The following LSAMP variants were observed in gnomAD, a reference collection of about 807,000 sequenced individuals.
LSAMP encodes limbic system associated membrane protein, also known as limbic system-associated membrane protein.
Under a neutral mutation model 38.6 loss-of-function variants are expected in LSAMP, and 7 were observed. That is an observed-to-expected ratio of 0.18 (90% CI 0.10 to 0.34). The LOEUF (loss-of-function observed/expected upper bound fraction) is 0.34, where lower values mean the gene tolerates loss of function less well. LSAMP is among the 10% of genes least tolerant of loss of function. The pLI is 1.00. For missense variants in LSAMP, 313 were observed against 420.0 expected, an observed-to-expected ratio of 0.75 and a Z score of 2.23; for synonymous variants, 154 against 166.8, an observed-to-expected ratio of 0.92 and a Z score of 0.59.
intron 6 of LSAMP, among the ~76,000 whole-genome samples, chr3:115,838,352 A>G (rs948384126): frequency 6.6e-6 from 1 of 152,244 alleles, no homozygotes; most frequent in Non-Finnish European, 1.5e-5. Context: ...AAACCTATCT[A>G]TCACCTTTGT....
intron 3 of LSAMP, among the ~76,000 whole-genome samples, chr3:116,014,020 T>G (rs1047297725): frequency 6.6e-6 from 1 of 152,192 alleles, no homozygotes; most frequent in African/African-American, 2.4e-5. Context: ...TCTCATTGAA[T>G]GCCATAATTT....
intron 2 of LSAMP, among the ~76,000 whole-genome samples, chr3:116,078,334 AT>A (rs1310915611): frequency 4.8e-5 from 7 of 147,326 alleles, no homozygotes; most frequent in African/African-American, 1.5e-4. Flanking sequence ...TTATTTATTT[AT>A]TTTTTTTGAG....
intron 1 of LSAMP, among the ~76,000 whole-genome samples, chr3:116,293,357 C>A (rs192988398): frequency 6.6e-6 from 1 of 152,044 alleles, no homozygotes; most frequent in Non-Finnish European, 1.5e-5. Flanking sequence ...TTATGAAGGG[C>A]TATACAAAGG....
chr3:116,187,271 A>AT (rs1187024174), intron 1 of LSAMP, among the ~76,000 whole-genome samples: 1 of 152,160 alleles, frequency 6.6e-6, no homozygotes, highest in Non-Finnish European at 1.5e-5. Context: ...GATACCATAA[A>AT]TTTAAGCTCT....
chr3:116,285,800 C>A (rs2047187881), intron 1 of LSAMP, among the ~76,000 whole-genome samples: 1 of 151,998 alleles, frequency 6.6e-6, no homozygotes, highest in South Asian at 2.1e-4. Flanking sequence ...CACTCCTCAC[C>A]CCACTACACA....
At chr3:116,425,862 A>G (rs1255856701) in intron 1 of LSAMP, among the ~76,000 whole-genome samples, 1 of 123,292 alleles carries the variant, frequency 8.1e-6, no homozygotes, top group Non-Finnish European at 1.8e-5. Flanking sequence ...AAAAAACCAT[A>G]CATCCTAAAG....
chr3:116,430,274 A>C (rs1269324642), intron 1 of LSAMP, among the ~76,000 whole-genome samples: 1 of 152,202 alleles, frequency 6.6e-6, no homozygotes, highest in Non-Finnish European at 1.5e-5. Flanking sequence ...AAACACACTG[A>C]AAATTATTAG....
At chr3:116,124,856 A>G (rs1409610432) in intron 1 of LSAMP, among the ~76,000 whole-genome samples, 2 of 152,208 alleles carry the variant, frequency 1.3e-5, no homozygotes, top group Non-Finnish European at 2.9e-5. Flanking sequence ...CATTTTACAC[A>G]TGCAAAGGGT....
chr3:116,207,995 T>G (rs1576432833), intron 1 of LSAMP, among the ~76,000 whole-genome samples: 1 of 149,390 alleles, frequency 6.7e-6, no homozygotes, highest in African/African-American at 2.4e-5. Context: ...CTGCAGAGTG[T>G]TTTCCAACTT....
intron 1 of LSAMP, among the ~76,000 whole-genome samples, chr3:116,163,074 T>A (rs923229803): frequency 3.7e-4 from 57 of 152,028 alleles, no homozygotes; most frequent in African/African-American, 1.1e-3. Context: ...TCTTTTTTTT[T>A]AAATTTTATT....
intron 1 of LSAMP, among the ~76,000 whole-genome samples, chr3:116,091,628 G>T (rs934520091): frequency 5.3e-5 from 8 of 152,156 alleles, no homozygotes; most frequent in Non-Finnish European, 8.8e-5. Context: ...CCTCCGTTTG[G>T]GGTCCCTGAC....
At chr3:115,860,737 C>G (rs886582186) in intron 3 of LSAMP, among the ~76,000 whole-genome samples, 2 of 152,138 alleles carry the variant, frequency 1.3e-5, no homozygotes, top group Non-Finnish European at 2.9e-5. Context: ...GCTACAGAGA[C>G]AGTGTAGAGT....
chr3:116,143,332 T>G (rs550449861), intron 1 of LSAMP, among the ~76,000 whole-genome samples: 43 of 151,944 alleles, frequency 2.8e-4, no homozygotes, highest in African/African-American at 1.0e-3. Context: ...TATTTGACAC[T>G]CTTATGTTTT....
chr3:116,210,509 A>G (rs1364088462), intron 1 of LSAMP, among the ~76,000 whole-genome samples: 1 of 152,214 alleles, frequency 6.6e-6, no homozygotes, highest in Non-Finnish European at 1.5e-5. Context: ...GTGATTTGCC[A>G]GGAGCTCTCG....
At chr3:115,850,593 TA>T (rs1053478522) in intron 4 of LSAMP, among the ~76,000 whole-genome samples, 3 of 152,104 alleles carry the variant, frequency 2.0e-5, no homozygotes, top group Non-Finnish European at 4.4e-5. Context: ...CACTAGAAAA[TA>T]ATAGTAATAA....
chr3:116,151,516 G>A (rs1417009431), intron 1 of LSAMP, among the ~76,000 whole-genome samples: 1 of 152,030 alleles, frequency 6.6e-6, no homozygotes, highest in African/African-American at 2.4e-5. Context: ...ATACCTTTCT[G>A]AAAATGCTTC....
chr3:116,148,497 T>G (rs1709538455), intron 1 of LSAMP, among the ~76,000 whole-genome samples: 1 of 151,962 alleles, frequency 6.6e-6, no homozygotes, highest in Non-Finnish European at 1.5e-5. Flanking sequence ...ATTACTTTTA[T>G]AGTCATATCC....
chr3:116,192,243 A>G (rs913616370), intron 1 of LSAMP, among the ~76,000 whole-genome samples: 2 of 152,230 alleles, frequency 1.3e-5, no homozygotes, highest in Non-Finnish European at 2.9e-5. Context: ...GATCAGTGAG[A>G]GGTAGCTTGA....
chr3:116,085,640 T>C (rs1261884127), intron 2 of LSAMP, among the ~76,000 whole-genome samples: 1 of 152,198 alleles, frequency 6.6e-6, no homozygotes, highest in African/African-American at 2.4e-5. Context: ...AGAAACCCAA[T>C]TGAGCAACAG....
Sources: allele counts gnomAD v4.1 joint callset (sites outside exome capture counted in the v4.1 genomes callset), GRCh38; gene constraint gnomAD v4.1.1; transcripts MANE v1.5; gene names NCBI Gene and HGNC (gene_info 2026-07-23, HGNC 2026-07-21).